Variants in RSU1 observed in about 807,000 individuals in gnomAD.
RSU1 encodes the protein Ras suppressor protein 1.
Under a neutral mutation model 31.1 loss-of-function variants are expected in RSU1, and 26 were observed. That is an observed-to-expected ratio of 0.84 (90% CI 0.61 to 1.16). The LOEUF is 1.16. Among genes scored for constraint, RSU1 ranks in the 50% most tolerant of loss-of-function variants. The pLI is 0.00. For missense variants in RSU1, 320 were observed against 339.1 expected (o/e 0.94, Z 0.44); for synonymous variants, 164 against 136.3 (o/e 1.20, Z -1.41).
At chr10:16,681,929 T>C (rs1835333990) in intron 8 of RSU1, among the ~76,000 whole-genome samples, 1 of 152,190 alleles carries the variant, frequency 6.6e-6, no homozygotes, top group African/African-American at 2.4e-5. Context: ...TCTTTTTTCC[T>C]TAGTGTTTCA....
intron 8 of RSU1, among the ~76,000 whole-genome samples, chr10:16,619,571 A>G (rs528539135): frequency 6.6e-6 from 1 of 152,320 alleles, no homozygotes; most frequent in East Asian, 1.9e-4. Flanking sequence ...TTCCCTAAGG[A>G]AGTGCCTCGT....
intron 8 of RSU1, among the ~76,000 whole-genome samples, chr10:16,666,746 G>C (rs977342217): frequency 6.6e-6 from 1 of 152,120 alleles, no homozygotes; most frequent in Non-Finnish European, 1.5e-5. Flanking sequence ...TCAGCACTTT[G>C]GGAGGCTAAG....
At chr10:16,616,367 C>A (rs1833976433) in intron 8 of RSU1, among the ~76,000 whole-genome samples, 2 of 88,994 alleles carry the variant, frequency 2.2e-5, no homozygotes. Context: ...AATAGCCTAC[C>A]AACCAAAAAA....
chr10:16,753,616 A>G (rs1035866269), intron 5 of RSU1, among the ~76,000 whole-genome samples: 2 of 152,252 alleles, frequency 1.3e-5, no homozygotes, highest in African/African-American at 4.8e-5. Context: ...AACAGAGTAA[A>G]TCCTAACTTA....
Position 16,780,665 on chromosome 10 carries a change from G to A in RSU1, c.160+1369C>T, listed in dbSNP as rs545532633. Among the ~76,000 whole-genome samples the A allele has an allele frequency of 5.3e-5, 8 of 152,324 alleles. No homozygotes were observed. In the East Asian group the frequency reaches 1.5e-3, roughly 29 times the overall value. The stretch of plus-strand genomic sequence containing the variant: ...CTAAACTACACAACAGAACATGTCA[G>A]TTATTACTGCTCACAAATCTTGGGG... On this transcript the variant is annotated intron_variant, in intron 3 of 8. Coordinates refer to ENST00000345264, the MANE Select transcript of RSU1 (RefSeq NM_012425.4).
At chr10:16,738,037 A>G (rs538052393) in intron 7 of RSU1, among the ~76,000 whole-genome samples, 2 of 152,376 alleles carry the variant, frequency 1.3e-5, no homozygotes, top group South Asian at 2.1e-4. Flanking sequence ...TTTCTAAATA[A>G]CAGGCCCCAG....
At chr10:16,785,443 C>T (rs900971623) in intron 2 of RSU1, among the ~76,000 whole-genome samples, 3 of 137,946 alleles carry the variant, frequency 2.2e-5, no homozygotes, top group East Asian at 2.0e-4. Flanking sequence ...TATATATACA[C>T]ATATATACAT....
chr10:16,715,847 G>A (rs1030003589), intron 7 of RSU1, among the ~76,000 whole-genome samples: 8 of 152,300 alleles, frequency 5.3e-5, no homozygotes, highest in East Asian at 1.9e-4. Context: ...AAACATCAGC[G>A]AGATTTTCAT....
intron 2 of RSU1, among the ~76,000 whole-genome samples, chr10:16,805,309 T>C (rs1270143623): frequency 6.6e-6 from 1 of 152,104 alleles, no homozygotes; most frequent in Non-Finnish European, 1.5e-5. Context: ...GAACGGGGGA[T>C]GGAGGAGAGA....
chr10:16,757,014 G>T (rs372109923), intron 4 of RSU1, among the ~76,000 whole-genome samples: 85 of 149,808 alleles, frequency 5.7e-4, no homozygotes, highest in Middle Eastern at 3.5e-3. Context: ...GGGTGTGGTG[G>T]TGTGTGTGTA....
At chr10:16,619,124 A>C (rs989036295) in intron 8 of RSU1, among the ~76,000 whole-genome samples, 25 of 152,218 alleles carry the variant, frequency 1.6e-4, no homozygotes, top group Admixed American at 6.5e-4. Flanking sequence ...AAATACTCAA[A>C]ACACGTCTAC....
chr10:16,753,706 T>G (rs1373012745), intron 5 of RSU1, among the ~76,000 whole-genome samples: 3 of 152,210 alleles, frequency 2.0e-5, no homozygotes, highest in Non-Finnish European at 4.4e-5. Context: ...AAGGCTAAAA[T>G]TCTAAAGCAT....
chr10:16,647,857 TCCA>T (rs1357810419), intron 8 of RSU1, among the ~76,000 whole-genome samples: 8 of 152,168 alleles, frequency 5.3e-5, no homozygotes, highest in Non-Finnish European at 1.2e-4. Flanking sequence ...TAAAAAAAAC[TCCA>T]CCACCACATG....
At chr10:16,633,314 G>A (rs963435381) in intron 8 of RSU1, among the ~76,000 whole-genome samples, 4 of 152,252 alleles carry the variant, frequency 2.6e-5, no homozygotes, top group African/African-American at 9.6e-5. Flanking sequence ...CATGGGAAAC[G>A]AGTTGTCTCT....
At chr10:16,672,405 C>G (rs1401886213) in intron 8 of RSU1, among the ~76,000 whole-genome samples, 1 of 152,196 alleles carries the variant, frequency 6.6e-6, no homozygotes, top group Non-Finnish European at 1.5e-5. Context: ...CAACAAAAGA[C>G]TTTTACACAA....
At chr10:16,664,389 A>G (rs1006791443) in intron 8 of RSU1, among the ~76,000 whole-genome samples, 2 of 152,204 alleles carry the variant, frequency 1.3e-5, no homozygotes, top group African/African-American at 4.8e-5. Flanking sequence ...ATATTTCTGG[A>G]GGCTTAAAAG....
intron 8 of RSU1, among the ~76,000 whole-genome samples, chr10:16,636,045 C>G (rs1206673084): frequency 6.6e-6 from 1 of 152,212 alleles, no homozygotes; most frequent in Non-Finnish European, 1.5e-5. Flanking sequence ...TCTTCTCTTG[C>G]TGCTGGTGCC....
At chr10:16,783,857 C>G (rs1190124410) in intron 2 of RSU1, among the ~76,000 whole-genome samples, 1 of 152,070 alleles carries the variant, frequency 6.6e-6, no homozygotes, top group African/African-American at 2.4e-5. Flanking sequence ...AACAGTTAAC[C>G]CAGTACATGA....
chr10:16,598,493 G>A (rs963812471), intron 8 of RSU1, among the ~76,000 whole-genome samples: 1 of 152,188 alleles, frequency 6.6e-6, no homozygotes, highest in African/African-American at 2.4e-5. Flanking sequence ...GTTTGAGGCT[G>A]CAGTGAGCCG....
Sources: gnomAD v4.1 joint callset for allele counts (sites outside exome capture counted in the v4.1 genomes callset) on GRCh38, gnomAD v4.1.1 for gene constraint, MANE v1.5 for transcripts, NCBI Gene and HGNC (gene_info 2026-07-23, HGNC 2026-07-21) for gene names.